LYRM4: variants seen among roughly 807,000 people sequenced by gnomAD.
LYRM4 encodes the protein LYR motif containing 4.
In LYRM4, 9 loss-of-function variants were observed where a neutral mutation model predicts 11.7. The observed-to-expected ratio is 0.77, with a 90% CI of 0.46 to 1.34. LYRM4 has a LOEUF of 1.34. Ranked by LOEUF, LYRM4 falls within the 40% of genes most tolerant of loss-of-function variation. The pLI, the probability that LYRM4 is intolerant of heterozygous loss-of-function variation, is 0.00. For synonymous variants in LYRM4, 42 were observed against 40.4 expected (o/e 1.04, Z -0.15); for missense variants, 133 against 112.5 (o/e 1.18, Z -0.82).
chr6:5,183,388 C>T (rs1398361691), intron 2 of LYRM4, among the ~76,000 whole-genome samples: 1 of 151,664 alleles, frequency 6.6e-6, no homozygotes, highest in Admixed American at 6.6e-5. Context: ...TATCCTTAGT[C>T]AGTGAAAACA....
intron 2 of LYRM4, among the ~76,000 whole-genome samples, chr6:5,187,752 A>G (rs1055165155): frequency 6.6e-5 from 10 of 152,222 alleles, no homozygotes; most frequent in African/African-American, 2.4e-4. Flanking sequence ...TTAAAGTACA[A>G]TAAAAATAAA....
At chr6:5,092,374 T>C in the LYRM4 span, among the ~76,000 whole-genome samples, 1 of 152,116 alleles carries the variant, frequency 6.6e-6, no homozygotes, top group Non-Finnish European at 1.5e-5. Context: ...GTGAAAGAGC[T>C]CACTATTTCC....
At chr6:5,086,453 T>C in the LYRM4 span, 2 of 1,536,778 alleles carry the variant, frequency 1.3e-6, no homozygotes, top group Non-Finnish European at 1.7e-6. Context: ...GAGCGCGGCG[T>C]CGCGGTCCAC....
chr6:5,173,570 T>C (rs1166555440), intron 2 of LYRM4, among the ~76,000 whole-genome samples: 2 of 152,290 alleles, frequency 1.3e-5, no homozygotes, highest in African/African-American at 4.8e-5. Flanking sequence ...CTATGAATGA[T>C]ATCCTACATT....
intron 2 of LYRM4, among the ~76,000 whole-genome samples, chr6:5,152,231 G>C (rs1294533720): frequency 6.6e-6 from 1 of 152,158 alleles, no homozygotes; most frequent in African/African-American, 2.4e-5. Flanking sequence ...ACGCCAGTGA[G>C]AGCGGCAGAC....
chr6:5,065,647 A>G, the LYRM4 span: 2 of 152,684 alleles, frequency 1.3e-5, no homozygotes, highest in African/African-American at 2.4e-5. Context: ...TATGCCAATG[A>G]TATCAACTTC....
At chr6:5,071,846 T>C in the LYRM4 span, among the ~76,000 whole-genome samples, 1 of 152,124 alleles carries the variant, frequency 6.6e-6, no homozygotes, top group Admixed American at 6.6e-5. Flanking sequence ...GGTTTCACCA[T>C]GTTGGCCAGG....
the LYRM4 span, among the ~76,000 whole-genome samples, chr6:5,049,672 AT>A: frequency 2.1e-3 from 305 of 143,164 alleles, 1 homozygote; most frequent in Non-Finnish European, 2.2e-3. Flanking sequence ...GGGCAGTGTC[AT>A]TTTTTTTTTT....
chr6:5,235,946 A>C (rs902459212), intron 1 of LYRM4, among the ~76,000 whole-genome samples: 1 of 152,142 alleles, frequency 6.6e-6, no homozygotes. Context: ...AATAAGAAAG[A>C]AATGTTAACA....
At chr6:5,039,511 T>C in the LYRM4 span, among the ~76,000 whole-genome samples, 1 of 152,180 alleles carries the variant, frequency 6.6e-6, no homozygotes, top group Non-Finnish European at 1.5e-5. Context: ...AATTACAATC[T>C]AAAGTAACAA....
chr6:5,063,608 C>T, the LYRM4 span, among the ~76,000 whole-genome samples: 1 of 152,218 alleles, frequency 6.6e-6, no homozygotes, highest in Non-Finnish European at 1.5e-5. Context: ...CTATGTCTCC[C>T]CAGCACTGAG....
chr6:5,033,304 T>TATG, the LYRM4 span: 1 of 152,086 alleles, frequency 6.6e-6, no homozygotes, highest in African/African-American at 2.4e-5. Context: ...ACGGAATCTT[T>TATG]ATGCTAGACA....
chr6:5,086,467 G>A, the LYRM4 span: 1 of 1,537,178 alleles, frequency 6.5e-7, no homozygotes, highest in Middle Eastern at 1.7e-4. Context: ...GGTCCACTTC[G>A]CTGTCTGCTA....
At chr6:5,069,722 G>A in the LYRM4 span, among the ~76,000 whole-genome samples, 1 of 151,998 alleles carries the variant, frequency 6.6e-6, no homozygotes, top group African/African-American at 2.4e-5. Flanking sequence ...CTCATGATCC[G>A]CCTGCCTCAG....
At chr6:5,199,527 T>A (rs368354506) in intron 2 of LYRM4, among the ~76,000 whole-genome samples, 2 of 152,320 alleles carry the variant, frequency 1.3e-5, no homozygotes, top group South Asian at 2.1e-4. Context: ...GGTATGTGAA[T>A]CACATCTCAA....
At chr6:5,180,727 C>T (rs1760024150) in intron 2 of LYRM4, among the ~76,000 whole-genome samples, 1 of 152,208 alleles carries the variant, frequency 6.6e-6, no homozygotes, top group Non-Finnish European at 1.5e-5. Flanking sequence ...CAGCGATGCT[C>T]TCGTGGATAC....
chr6:5,129,135 C>T (rs138249363), intron 2 of LYRM4, among the ~76,000 whole-genome samples: 66 of 152,306 alleles, frequency 4.3e-4, no homozygotes, highest in African/African-American at 1.4e-3. Flanking sequence ...GTGTGATCTT[C>T]GGACTGCGTC....
At chr6:5,085,442 A>G in the LYRM4 span, 1 of 1,416,440 alleles carries the variant, frequency 7.1e-7, no homozygotes, top group Admixed American at 2.2e-5. Flanking sequence ...AAGTCTCCAG[A>G]GGGGCCCGGT....
chr6:5,222,227 A>T (rs1244858760), intron 1 of LYRM4, among the ~76,000 whole-genome samples: 1 of 152,242 alleles, frequency 6.6e-6, no homozygotes. Flanking sequence ...TGAATAAATG[A>T]GCTTATCAAA....
Sources: gnomAD v4.1 joint callset for allele counts (sites outside exome capture counted in the v4.1 genomes callset) on GRCh38, gnomAD v4.1.1 for gene constraint, MANE v1.5 for transcripts, NCBI Gene and HGNC (gene_info 2026-07-23, HGNC 2026-07-21) for gene names.